CCDC91: variants seen among roughly 807,000 people sequenced by gnomAD.
CCDC91 encodes the protein coiled-coil domain-containing protein 91.
In CCDC91, 48 loss-of-function variants were observed where a neutral mutation model predicts 63.2. That is an observed-to-expected ratio of 0.76 (90% CI 0.60 to 0.97). The LOEUF (loss-of-function observed/expected upper bound fraction) is 0.97. CCDC91 is among the 50% of genes least tolerant of loss of function. The probability of loss-of-function intolerance (pLI) is 0.00; values close to 1 mark genes in which losing one functional copy is unlikely to be tolerated. For missense variants in CCDC91, 500 were observed against 494.6 expected (o/e 1.01, Z -0.10); for synonymous variants, 167 against 165.8 (o/e 1.01, Z -0.06).
chr12:28,429,167 C>G (rs1948495585), intron 8 of CCDC91, among the ~76,000 whole-genome samples: 1 of 152,094 alleles, frequency 6.6e-6, no homozygotes, highest in Non-Finnish European at 1.5e-5. Flanking sequence ...TCAGGTTGCA[C>G]TTAGGGGAGT....
intron 1 of CCDC91, among the ~76,000 whole-genome samples, chr12:28,193,043 T>A (rs1393879386): frequency 6.6e-6 from 1 of 152,250 alleles, no homozygotes; most frequent in Non-Finnish European, 1.5e-5. Flanking sequence ...AATGCTTTGA[T>A]TCATCCATGT....
At chr12:28,450,507 T>C in intron 10 of CCDC91, 89 bp downstream of exon 10, 2 of 946,300 alleles carry the variant, frequency 2.1e-6, no homozygotes, top group Non-Finnish European at 3.3e-6. Flanking sequence ...TTTTATAAAA[T>C]GTTTCATTCC....
chr12:28,271,806 T>C (rs897033347), intron 3 of CCDC91, among the ~76,000 whole-genome samples: 2 of 151,250 alleles, frequency 1.3e-5, no homozygotes, highest in Non-Finnish European at 3.0e-5. Context: ...TTTATTCTTT[T>C]GTTATTATGC....
chr12:28,257,191 A>G lies in CCDC91; in HGVS notation c.-14-11A>G. Reference sequence around the variant, plus strand: ...GTGTGCGGGCTTGTTTCAATATCTTATATTTTTCAGGTGCCACTTGAAGAA... The same window carrying G: ...GTGTGCGGGCTTGTTTCAATATCTTGTATTTTTCAGGTGCCACTTGAAGAA... On this transcript the variant is annotated splice_polypyrimidine_tract_variant and intron_variant, in intron 1 of 12. Transcript: ENST00000536442. 6.3e-7 allele frequency: 1 copy of G among 1,593,126 alleles called. No homozygotes were observed. The highest frequency in any genetic ancestry group is 2.2e-5 in the East Asian group (1 of 44,612).
chr12:28,438,372 A>C (rs1949017202), intron 8 of CCDC91, among the ~76,000 whole-genome samples: 1 of 152,072 alleles, frequency 6.6e-6, no homozygotes, highest in African/African-American at 2.4e-5. Flanking sequence ...GCTCAAGAGG[A>C]CATAGCATTC....
chr12:28,226,956 A>G (rs1185338606), intron 1 of CCDC91, among the ~76,000 whole-genome samples: 1 of 152,084 alleles, frequency 6.6e-6, no homozygotes, highest in Non-Finnish European at 1.5e-5. Flanking sequence ...TTGGTCAGAC[A>G]TTTTGTAGGT....
intron 12 of CCDC91, among the ~76,000 whole-genome samples, chr12:28,514,452 G>GTTT (rs556014961): frequency 7.4e-6 from 1 of 134,800 alleles, no homozygotes; most frequent in East Asian, 2.1e-4. Context: ...AACCTCTTTA[G>GTTT]TTTTTTTTTT....
intron 3 of CCDC91, among the ~76,000 whole-genome samples, chr12:28,273,418 G>C (rs1592166871): frequency 6.6e-6 from 1 of 152,290 alleles, no homozygotes; most frequent in Admixed American, 6.5e-5. Flanking sequence ...TTGCCACACT[G>C]ACTTCCACAA....
At chr12:28,363,993 A>G (rs1944100424) in intron 7 of CCDC91, among the ~76,000 whole-genome samples, 1 of 147,924 alleles carries the variant, frequency 6.8e-6, no homozygotes. Flanking sequence ...CTAGGGTATT[A>G]AAATAGTCTA....
chr12:28,474,155 C>CT (rs1272935445), intron 11 of CCDC91, among the ~76,000 whole-genome samples: 1 of 152,120 alleles, frequency 6.6e-6, no homozygotes, highest in Admixed American at 6.6e-5. Context: ...ATAATAAACA[C>CT]TTTTTTGACA....
At chr12:28,191,615 A>G (rs1260944319) in intron 1 of CCDC91, among the ~76,000 whole-genome samples, 1 of 142,172 alleles carries the variant, frequency 7.0e-6, no homozygotes, top group African/African-American at 2.6e-5. Context: ...TTACTTCACA[A>G]TTTAAGGCAA....
intron 1 of CCDC91, among the ~76,000 whole-genome samples, chr12:28,226,422 T>C (rs1944278930): frequency 6.6e-6 from 1 of 152,222 alleles, no homozygotes; most frequent in Non-Finnish European, 1.5e-5. Flanking sequence ...GTTAGATCTG[T>C]CTATATCTTT....
At chr12:28,402,270 G>T (rs963170539) in intron 8 of CCDC91, among the ~76,000 whole-genome samples, 2 of 152,092 alleles carry the variant, frequency 1.3e-5, no homozygotes, top group Non-Finnish European at 2.9e-5. Context: ...ATCTATGAAC[G>T]TTGACTGTCT....
intron 3 of CCDC91, among the ~76,000 whole-genome samples, chr12:28,290,909 T>C (rs761483414): frequency 4.6e-5 from 7 of 152,220 alleles, no homozygotes; most frequent in Non-Finnish European, 1.0e-4. Flanking sequence ...TTTATGTTTA[T>C]CAAGAGGTAT....
intron 8 of CCDC91, among the ~76,000 whole-genome samples, chr12:28,418,475 G>A (rs1167038348): frequency 2.0e-5 from 3 of 151,988 alleles, no homozygotes; most frequent in Admixed American, 2.0e-4. Flanking sequence ...TATTGACTTT[G>A]CCTGAATTTC....
At chr12:28,454,082 AATTAT>A (rs1355815183) in intron 11 of CCDC91, among the ~76,000 whole-genome samples, 8 of 152,252 alleles carry the variant, frequency 5.3e-5, no homozygotes, top group African/African-American at 1.7e-4. Context: ...GTCTTGAATA[AATTAT>A]ATTAATTTCC....
At chr12:28,428,826 T>C (rs1948476278) in intron 8 of CCDC91, among the ~76,000 whole-genome samples, 1 of 152,134 alleles carries the variant, frequency 6.6e-6, no homozygotes, top group Non-Finnish European at 1.5e-5. Flanking sequence ...ATCATAATTA[T>C]AAGGTTTTTG....
intron 3 of CCDC91, among the ~76,000 whole-genome samples, chr12:28,296,080 T>C (rs1949547954): frequency 6.6e-6 from 1 of 151,910 alleles, no homozygotes; most frequent in Non-Finnish European, 1.5e-5. Context: ...TTTTGGATGC[T>C]GTGGTATTTT....
intron 1 of CCDC91, among the ~76,000 whole-genome samples, chr12:28,225,110 C>T (rs1288679410): frequency 6.6e-6 from 1 of 152,112 alleles, no homozygotes; most frequent in African/African-American, 2.4e-5. Flanking sequence ...TCTTCTCATC[C>T]TATTCCAACA....
Sources: gnomAD v4.1 joint callset for allele counts (sites outside exome capture counted in the v4.1 genomes callset) on GRCh38, gnomAD v4.1.1 for gene constraint, MANE v1.5 for transcripts, NCBI Gene and HGNC (gene_info 2026-07-23, HGNC 2026-07-21) for gene names.